Variants in CYYR1 observed in about 807,000 individuals in gnomAD.
CYYR1 encodes the protein cysteine and tyrosine-rich protein 1.
Under a neutral mutation model 15.2 loss-of-function variants are expected in CYYR1, and 14 were observed. That is an observed-to-expected ratio of 0.92 (90% confidence interval 0.61 to 1.44). The LOEUF is 1.44. Ranked by LOEUF, CYYR1 falls within the 40% of genes most tolerant of loss-of-function variation. CYYR1 has a pLI of 0.00. For missense variants in CYYR1, 228 were observed against 209.5 expected (o/e 1.09, Z -0.54); for synonymous variants, 80 against 77.4 (o/e 1.03, Z -0.18).
At chr21:26,533,761 G>T (rs764939357) in intron 2 of CYYR1, among the ~76,000 whole-genome samples, 1 of 152,112 alleles carries the variant, frequency 6.6e-6, no homozygotes, top group African/African-American at 2.4e-5. Context: ...TGCTGTTGTT[G>T]GTGTGCGTGT....
At chr21:26,475,655 T>C (rs1818511697) in intron 3 of CYYR1, among the ~76,000 whole-genome samples, 1 of 152,192 alleles carries the variant, frequency 6.6e-6, no homozygotes, top group Non-Finnish European at 1.5e-5. Context: ...CAGTTTTCTC[T>C]ACCCATTTTA....
rs2064993539 is a variant in CYYR1, at chr21:26,468,427, G to T, written c.*74C>A. Reference sequence around the variant, plus strand: ...GTATTCCTTGGAGCAATTCTTTCCTGCCTGTTTCTGAGTAGAGGCATTTTA... The same window carrying T: ...GTATTCCTTGGAGCAATTCTTTCCTTCCTGTTTCTGAGTAGAGGCATTTTA... On this transcript the variant is annotated 3_prime_UTR_variant, in exon 4 of 4. Coordinates refer to ENST00000652641, the MANE Select transcript of CYYR1 (RefSeq NM_001320768.2). The T allele has an allele frequency of 5.2e-6, 5 of 960,418 alleles. No homozygotes were observed. The highest frequency in any genetic ancestry group is 1.7e-6 in the Non-Finnish European group (1 of 583,398). The allele number at this position is 960,418 out of a possible 1,614,324, so 59.5% of individuals were successfully genotyped here.
intron 2 of CYYR1, among the ~76,000 whole-genome samples, chr21:26,497,376 C>T (rs568713185): frequency 1.3e-5 from 2 of 151,934 alleles, no homozygotes; most frequent in African/African-American, 4.8e-5. Flanking sequence ...TAAAATAAGC[C>T]CTTTAACAAG....
chr21:26,546,537 C>T (rs1370747262), intron 2 of CYYR1, among the ~76,000 whole-genome samples: 1 of 152,134 alleles, frequency 6.6e-6, no homozygotes, highest in Non-Finnish European at 1.5e-5. Context: ...GTGATTATGA[C>T]CTATGTACTA....
chr21:26,544,630 G>C (rs1978819741), intron 2 of CYYR1, among the ~76,000 whole-genome samples: 1 of 152,154 alleles, frequency 6.6e-6, no homozygotes, highest in South Asian at 2.1e-4. Context: ...ATACATCCTG[G>C]TGACCCTGAA....
rs1037974842 is a variant in CYYR1 at position 26,517,294 on chromosome 21, T to C, written c.177-36865A>G. 5.3e-5 allele frequency among the ~76,000 whole-genome samples: 8 copies of C among 152,308 alleles called. No individual in the cohort carries two copies. In the South Asian group the frequency reaches 1.5e-3, roughly 28 times the overall value. ...GCCTGTCCTTCTGCAATCCATTGTT[T>C]ACTTCATATTATTAGACAGTTTTAA... is the stretch of plus-strand genomic sequence containing the variant. On this transcript the variant is annotated intron_variant, in intron 2 of 3. Coordinates refer to ENST00000652641, the MANE Select transcript of CYYR1 (RefSeq NM_001320768.2).
chr21:26,540,241 C>A (rs183299786), intron 2 of CYYR1, among the ~76,000 whole-genome samples: 2 of 152,092 alleles, frequency 1.3e-5, no homozygotes, highest in African/African-American at 2.4e-5. Context: ...TCCCTGAAAT[C>A]CCTGGAGAGA....
At chr21:26,512,158 T>TCTTACAA (rs1282515629) in intron 2 of CYYR1, among the ~76,000 whole-genome samples, 3 of 152,128 alleles carry the variant, frequency 2.0e-5, no homozygotes, top group Non-Finnish European at 4.4e-5. Flanking sequence ...GGTCCATGTG[T>TCTTACAA]CTTACAACTT....
intron 2 of CYYR1, among the ~76,000 whole-genome samples, chr21:26,546,975 AG>A (rs1373074833): frequency 1.3e-5 from 2 of 152,148 alleles, no homozygotes; most frequent in South Asian, 4.1e-4. Flanking sequence ...TGAAGGCGGA[AG>A]TGGCCCCTGA....
chr21:26,552,433 C>T (rs2830278), intron 2 of CYYR1, among the ~76,000 whole-genome samples: 15,344 of 152,020 alleles, frequency 0.1, 815 homozygotes, highest in Admixed American at 0.14. Flanking sequence ...AGAACAAAAT[C>T]CATTTGCTGT....
chr21:26,469,456 G>C (rs752922822), intron 3 of CYYR1, among the ~76,000 whole-genome samples: 3 of 152,094 alleles, frequency 2.0e-5, no homozygotes, highest in Non-Finnish European at 4.4e-5. Context: ...CCATATGTCA[G>C]TGTTTTAAGA....
intron 2 of CYYR1, among the ~76,000 whole-genome samples, chr21:26,534,670 G>A (rs184568575): frequency 6.6e-6 from 1 of 152,200 alleles, no homozygotes; most frequent in East Asian, 1.9e-4. Flanking sequence ...TACTGTCTCT[G>A]CATTTTCGTA....
chr21:26,474,239 G>A (rs1353660826), intron 3 of CYYR1, among the ~76,000 whole-genome samples: 1 of 151,744 alleles, frequency 6.6e-6, no homozygotes, highest in African/African-American at 2.4e-5. Flanking sequence ...ATTTTTAGTA[G>A]AGACGGGGTT....
At chr21:26,539,576 C>G (rs1438018419) in intron 2 of CYYR1, among the ~76,000 whole-genome samples, 1 of 152,134 alleles carries the variant, frequency 6.6e-6, no homozygotes, top group Non-Finnish European at 1.5e-5. Context: ...GCACACCTGC[C>G]TTTAAAGCAG....
chr21:26,532,352 G>T (rs2065942571), intron 2 of CYYR1, among the ~76,000 whole-genome samples: 1 of 152,078 alleles, frequency 6.6e-6, no homozygotes, highest in African/African-American at 2.4e-5. Flanking sequence ...AACAGGACAG[G>T]AAATCATGTC....
intron 2 of CYYR1, among the ~76,000 whole-genome samples, chr21:26,544,402 A>G (rs1292321474): frequency 6.6e-6 from 1 of 152,234 alleles, no homozygotes; most frequent in Non-Finnish European, 1.5e-5. Flanking sequence ...AATAAGATTT[A>G]TGCCTGGTCA....
At chr21:26,548,137 A>G (rs1170102805) in intron 2 of CYYR1, among the ~76,000 whole-genome samples, 1 of 152,206 alleles carries the variant, frequency 6.6e-6, no homozygotes, top group East Asian at 1.9e-4. Context: ...AATCACTTCG[A>G]TCAAACACAA....
At chr21:26,477,615 C>T (rs2065121266) in intron 3 of CYYR1, 1 of 569,838 alleles carries the variant, frequency 1.8e-6, no homozygotes, top group South Asian at 7.7e-5. Flanking sequence ...AAAGTTTGAA[C>T]TTACAGAAGG....
At chr21:26,504,282 T>C (rs568642233) in intron 2 of CYYR1, among the ~76,000 whole-genome samples, 1 of 152,018 alleles carries the variant, frequency 6.6e-6, no homozygotes, top group Non-Finnish European at 1.5e-5. Context: ...CACATTTATT[T>C]ATTTTTGAGA....
Sources: gnomAD v4.1 joint callset for allele counts (sites outside exome capture counted in the v4.1 genomes callset) on GRCh38, gnomAD v4.1.1 for gene constraint, MANE v1.5 for transcripts, NCBI Gene and HGNC (gene_info 2026-07-23, HGNC 2026-07-21) for gene names.